SI: variants seen among roughly 807,000 people sequenced by gnomAD.
SI encodes the protein sucrase-isomaltase, intestinal.
A neutral mutation model predicts 253.3 loss-of-function variants in SI; 235 were observed. The observed-to-expected ratio is 0.93, with a 90% CI of 0.83 to 1.03. The LOEUF is 1.03. Ranked by LOEUF, SI falls within the 50% of genes least tolerant of loss-of-function variation. The pLI, the probability that SI is intolerant of heterozygous loss-of-function variation, is 0.00. For synonymous variants in SI, 819 were observed against 712.0 expected (o/e 1.15, Z -2.39); for missense variants, 2,442 against 2,211.1 (o/e 1.10, Z -2.09).
intron 37 of SI, among the ~76,000 whole-genome samples, chr3:164,999,118 C>T (rs1224367315): frequency 1.3e-5 from 2 of 151,778 alleles, no homozygotes; most frequent in Non-Finnish European, 2.9e-5. Flanking sequence ...CTATCATACT[C>T]TTTGCTTTAA....
chr3:165,063,523 C>T lies in SI; in HGVS notation c.826G>A (p.Gly276Ser), dbSNP rs371801531. The part of the protein sequence containing the change: ...LPGDNNNNLY[G>S]HQTFFMCIED... ...ATACACATAAAGAATGTTTGATGGCCGTATAAATTATTATTATTCTATAAG... is the reference window on the plus strand; with the variant it reads ...ATACACATAAAGAATGTTTGATGGCTGTATAAATTATTATTATTCTATAAG... Residue 276 changes from glycine to serine, a missense_variant, in exon 8 of 48, where the codon GGC becomes AGC. Coordinates refer to ENST00000264382, the MANE Select transcript of SI (RefSeq NM_001041.4). The T allele has an allele frequency of 2.0e-5, 30 of 1,502,448 alleles. No individual in the cohort carries two copies. Among genetic ancestry groups the T allele is most frequent in the African/African-American group, 1.5e-4 (11 of 72,170 alleles). 93.1% of individuals were successfully genotyped at this position (1,502,448 alleles called of 1,614,324 possible).
rs145798125 is a variant in SI, at chr3:165,062,210, A to G, written c.1020+161T>C. Among the ~76,000 whole-genome samples the G allele has an allele frequency of 9.9e-3, 1,471 of 147,852 alleles. 19 individuals are homozygous for G. The highest frequency in any genetic ancestry group is 0.034 in the African/African-American group (1,366 of 39,748). ...ATATGTAGAGTTCATTGTATAGGGGAAAAAAAAAACACCCAGCTGCATCTT... is the reference window on the plus strand; with the variant it reads ...ATATGTAGAGTTCATTGTATAGGGGGAAAAAAAAACACCCAGCTGCATCTT... On this transcript the variant is annotated intron_variant, in intron 9 of 47. Transcript: ENST00000264382.
In SI at chr3:165,030,309, C is replaced by G. The variant is rs149793460; in HGVS notation, c.2892+403G>C. ...TCATCCTTAGTGGAAGAGAAGTAGCCCGTTACTCAACATCATATGTCTTAA... is the reference window on the plus strand; with the variant it reads ...TCATCCTTAGTGGAAGAGAAGTAGCGCGTTACTCAACATCATATGTCTTAA... On this transcript the variant is annotated intron_variant, in intron 25 of 47. Coordinates refer to ENST00000264382, the MANE Select transcript of SI (RefSeq NM_001041.4). 4.4e-3 allele frequency among the ~76,000 whole-genome samples: 658 copies of G among 150,938 alleles called. 6 individuals are homozygous for G. The highest frequency in any genetic ancestry group is 0.015 in the African/African-American group (626 of 41,404).
intron 27 of SI, among the ~76,000 whole-genome samples, chr3:165,020,490 A>C (rs1711541365): frequency 6.6e-6 from 1 of 151,662 alleles, no homozygotes; most frequent in African/African-American, 2.4e-5. Flanking sequence ...ACAATAAATA[A>C]TGCCCTTGCA....
chr3:165,063,099 A>G (rs887811083), intron 8 of SI, among the ~76,000 whole-genome samples: 24 of 152,028 alleles, frequency 1.6e-4, no homozygotes, highest in Admixed American at 4.6e-4. Flanking sequence ...TTCCATAGAC[A>G]TCTTTTTTGT....
chr3:165,080,596 T>G (rs1715277485), upstream of SI, among the ~76,000 whole-genome samples: 1 of 152,044 alleles, frequency 6.6e-6, no homozygotes. Context: ...GTTCATGTCC[T>G]TTGTAGGGAC....
intron 34 of SI, among the ~76,000 whole-genome samples, chr3:165,010,743 C>T (rs2108162242): frequency 6.6e-6 from 1 of 152,222 alleles, no homozygotes; most frequent in Middle Eastern, 3.4e-3. Flanking sequence ...GAAAATCAAT[C>T]AGGTACATGT....
intron 41 of SI, among the ~76,000 whole-genome samples, chr3:164,993,887 G>T (rs917739077): frequency 6.6e-6 from 1 of 151,520 alleles, no homozygotes; most frequent in East Asian, 1.9e-4. Context: ...GTAGATTTAC[G>T]TAACTGCAGT....
In SI at chr3:165,017,809, A is replaced by G. The variant is rs567476083; in HGVS notation, c.3585T>C (p.Tyr1195=). ...CTTCTGGAGTTGGGCCCAAAAACAT[A>G]TAAAAATCCAAGATCCCTCCAACTG... ...YRTVGGILDF[Y]MFLGPTPEVA... The change falls in exon 30 of 48, where the codon TAT becomes TAC. Residue 1195 remains tyrosine, a synonymous_variant. Transcript: ENST00000264382. The G allele has an allele frequency of 3.6e-5, 58 of 1,613,212 alleles. 1 individual carries two copies. The South Asian group carries it at 6.1e-4, about 17-fold the overall frequency.
rs542969966 is a variant in SI, at chr3:165,036,449, C to A, written c.2455G>T (p.Ala819Ser). Residue 819 changes from alanine (A) to serine (S), a missense_variant, in exon 22 of 48, where the codon GCA (alanine) becomes TCA (serine). Ala to Ser is a moderately conservative substitution (Grantham distance 99). Transcript: ENST00000264382. ...SRKNPLGLIVALGENNTAKGD... is the reference protein window; with the variant it reads ...SRKNPLGLIVSLGENNTAKGD... Reference sequence around the variant, plus strand: ...TTGGCTGTGTTGTTTTCACCTAATGCGACTATAAGTCCTAGAGGATTCTTA... The same window carrying A: ...TTGGCTGTGTTGTTTTCACCTAATGAGACTATAAGTCCTAGAGGATTCTTA... 1.9e-6 allele frequency: 3 copies of A among 1,610,866 alleles called. No homozygotes were observed. The highest frequency in any genetic ancestry group is 2.7e-5 in the African/African-American group (2 of 74,854).
chr3:165,064,535 A>G (rs1276083981), intron 7 of SI, among the ~76,000 whole-genome samples: 3 of 152,152 alleles, frequency 2.0e-5, no homozygotes, highest in African/African-American at 7.2e-5. Context: ...CGTTTGACCC[A>G]AATCCATCAT....
intron 6 of SI, 50 bp from the exon 7 acceptor site, chr3:165,065,482 T>TC (rs1560015786): frequency 3.6e-6 from 1 of 275,136 alleles, no homozygotes; most frequent in African/African-American, 2.5e-5. Flanking sequence ...TATATATATA[T>TC]ATATATATAT....
At chr3:165,010,067 G>A (rs537627096) in intron 34 of SI, among the ~76,000 whole-genome samples, 1 of 152,238 alleles carries the variant, frequency 6.6e-6, no homozygotes, top group Non-Finnish European at 1.5e-5. Context: ...TGTTGTAACG[G>A]CCTTAACAGT....
chr3:165,036,449 C>T lies in SI; in HGVS notation c.2455G>A (p.Ala819Thr), dbSNP rs542969966. The change falls in exon 22 of 48, where the codon GCA (alanine) becomes ACA (threonine). Residue 819 changes from alanine (A) to threonine (T), a missense_variant. Coordinates refer to ENST00000264382, the MANE Select transcript of SI (RefSeq NM_001041.4). Reference protein sequence around the residue: ...SRKNPLGLIVALGENNTAKGD... With the variant: ...SRKNPLGLIVTLGENNTAKGD... ...TTGGCTGTGTTGTTTTCACCTAATGCGACTATAAGTCCTAGAGGATTCTTA... is the reference window on the plus strand; with the variant it reads ...TTGGCTGTGTTGTTTTCACCTAATGTGACTATAAGTCCTAGAGGATTCTTA... 2.7e-5 allele frequency: 43 copies of T among 1,610,748 alleles called. No individual in the cohort carries two copies. The highest frequency in any genetic ancestry group is 1.6e-4 in the Middle Eastern group (1 of 6,066).
chr3:165,081,218 CAA>C (rs891458391), upstream of SI, among the ~76,000 whole-genome samples: 64 of 151,980 alleles, frequency 4.2e-4, no homozygotes, highest in Non-Finnish European at 7.2e-4. Context: ...TATTTAAAAA[CAA>C]ATATAAATTC....
intron 34 of SI, 51 bp downstream of exon 34, chr3:165,012,929 T>C: frequency 9.0e-7 from 1 of 1,110,220 alleles, no homozygotes; most frequent in Middle Eastern, 2.0e-4. Flanking sequence ...AATAATCAAG[T>C]CTAAGTTTTG....
At chr3:165,013,661 A>C (rs1181677564) in intron 33 of SI, among the ~76,000 whole-genome samples, 1 of 152,136 alleles carries the variant, frequency 6.6e-6, no homozygotes, top group Non-Finnish European at 1.5e-5. Context: ...ATATTGTAGA[A>C]GTTTGAAAGT....
intron 20 of SI, 121 bp from the exon 21 acceptor site, chr3:165,038,145 A>G: frequency 1.1e-6 from 1 of 871,884 alleles, no homozygotes; most frequent in Non-Finnish European, 1.8e-6. Flanking sequence ...ATACGAATAT[A>G]TTGTTTTCTA....
Position 165,063,473 on chromosome 3 carries a change from G to A in SI, c.876C>T (p.Phe292=), listed in dbSNP as rs139642816. 1.2e-4 allele frequency: 192 copies of A among 1,546,678 alleles called. No individual in the cohort carries two copies. The African/African-American group carries it at 1.9e-3, about 15-fold the overall frequency. ...CATTGCTATTCATTAAAAAAACACC[G>A]AATGACTTTCCAGATGTATCTTCAA... ...MCIEDTSGKS[F]GVFLMNSNAM... The change falls in exon 8 of 48, where the codon TTC becomes TTT. Residue 292 remains phenylalanine (F), a synonymous_variant. Coordinates refer to ENST00000264382, the MANE Select transcript of SI (RefSeq NM_001041.4).
Sources: allele counts gnomAD v4.1 joint callset (sites outside exome capture counted in the v4.1 genomes callset), GRCh38; gene constraint gnomAD v4.1.1; transcripts MANE v1.5; gene names NCBI Gene and HGNC (gene_info 2026-07-23, HGNC 2026-07-21).